TMTC2: variants seen among roughly 807,000 people sequenced by gnomAD.
TMTC2 encodes the protein protein O-mannosyl-transferase TMTC2.
A neutral mutation model predicts 82.4 loss-of-function variants in TMTC2; 43 were observed. The ratio of observed to expected loss-of-function variants is 0.52; its 90% CI spans 0.41 to 0.67. The LOEUF is 0.67. Ranked by LOEUF, TMTC2 falls within the 30% of genes least tolerant of loss-of-function variation. TMTC2 has a pLI of 0.00. For missense variants in TMTC2, 919 were observed against 1,012.4 expected, an observed-to-expected ratio of 0.91 and a Z score of 1.25; for synonymous variants, 408 against 381.9, an observed-to-expected ratio of 1.07 and a Z score of -0.80.
intron 11 of TMTC2, among the ~76,000 whole-genome samples, chr12:83,089,836 AAAAC>A (rs1205407674): frequency 6.7e-6 from 1 of 148,282 alleles, no homozygotes; most frequent in Non-Finnish European, 1.5e-5. Flanking sequence ...AAAAAAACAA[AAAAC>A]AAAAAACAAA....
chr12:82,897,587 A>T (rs919719441), intron 3 of TMTC2, among the ~76,000 whole-genome samples: 1 of 152,060 alleles, frequency 6.6e-6, no homozygotes, highest in African/African-American at 2.4e-5. Flanking sequence ...GTGCAATGGC[A>T]TGATCTCGAC....
At chr12:82,924,539 G>C (rs900029920) in intron 3 of TMTC2, among the ~76,000 whole-genome samples, 2 of 152,138 alleles carry the variant, frequency 1.3e-5, no homozygotes, top group Non-Finnish European at 2.9e-5. Context: ...CAGGCATCTA[G>C]GGCAATTACT....
intron 4 of TMTC2, among the ~76,000 whole-genome samples, chr12:82,955,198 G>T (rs1262622363): frequency 6.6e-6 from 1 of 152,144 alleles, no homozygotes; most frequent in African/African-American, 2.4e-5. Context: ...CCCACTAAAT[G>T]CCAGTTACAT....
chr12:83,079,903 T>C (rs965096678), intron 11 of TMTC2, among the ~76,000 whole-genome samples: 4 of 152,178 alleles, frequency 2.6e-5, no homozygotes, highest in Non-Finnish European at 4.4e-5. Flanking sequence ...CATAATTTTT[T>C]ATATAGTTCT....
chr12:83,072,075 C>G (rs1485002000), intron 11 of TMTC2, among the ~76,000 whole-genome samples: 2 of 152,024 alleles, frequency 1.3e-5, no homozygotes, highest in African/African-American at 4.8e-5. Flanking sequence ...TCTTGTTTCT[C>G]TAATTCCTCG....
chr12:82,735,553 G>T (rs1041785245), intron 1 of TMTC2, among the ~76,000 whole-genome samples: 2 of 151,854 alleles, frequency 1.3e-5, no homozygotes, highest in Non-Finnish European at 2.9e-5. Flanking sequence ...CACTGTGTTA[G>T]CCAGGATGGT....
chr12:83,097,167 G>A (rs147074389), intron 11 of TMTC2, among the ~76,000 whole-genome samples: 65 of 152,240 alleles, frequency 4.3e-4, no homozygotes, highest in Non-Finnish European at 8.8e-4. Context: ...CAGAACTAGG[G>A]TCTCAATTCA....
chr12:82,773,166 T>C (rs904664055), intron 1 of TMTC2, among the ~76,000 whole-genome samples: 2 of 152,320 alleles, frequency 1.3e-5, no homozygotes, highest in Non-Finnish European at 2.9e-5. Flanking sequence ...TTCTTCTCAC[T>C]GTTATTCCTG....
intron 4 of TMTC2, among the ~76,000 whole-genome samples, chr12:82,957,947 G>C (rs1877703993): frequency 1.3e-5 from 2 of 152,104 alleles, no homozygotes; most frequent in Non-Finnish European, 2.9e-5. Flanking sequence ...TCTACCAGAT[G>C]TACAAAGAAC....
intron 1 of TMTC2, among the ~76,000 whole-genome samples, chr12:82,848,944 G>T (rs1870825268): frequency 1.3e-5 from 2 of 152,110 alleles, no homozygotes; most frequent in Admixed American, 1.3e-4. Flanking sequence ...CCAGGTAGAG[G>T]GGGAAAAGAA....
chr12:83,072,414 T>C (rs992244471), intron 11 of TMTC2, among the ~76,000 whole-genome samples: 2 of 152,214 alleles, frequency 1.3e-5, no homozygotes, highest in African/African-American at 4.8e-5. Context: ...GCTCGTTTTG[T>C]GGCCTATCAT....
intron 10 of TMTC2, among the ~76,000 whole-genome samples, chr12:83,059,351 A>C (rs1370198697): frequency 6.6e-6 from 1 of 151,882 alleles, no homozygotes; most frequent in Non-Finnish European, 1.5e-5. Flanking sequence ...ACACTTCCTC[A>C]TGAGTTATTC....
Position 83,113,568 on chromosome 12 carries a change from C to T in TMTC2, c.2332-18642C>T, listed in dbSNP as rs983796128. On this transcript the variant is annotated intron_variant, in intron 11 of 11. Coordinates refer to ENST00000321196, the MANE Select transcript of TMTC2 (RefSeq NM_152588.3). ...GCCATGGGCTTAGAGACACACAAGC[C>T]GTGTTTATTTATTTTTACATTTTCA... is the stretch of plus-strand genomic sequence containing the variant. Among the ~76,000 whole-genome samples, 7 of 152,086 alleles carry T rather than the reference C, an allele frequency of 4.6e-5. No homozygotes were observed. The East Asian group carries it at 5.8e-4, about 13-fold the overall frequency.
chr12:82,982,814 A>G (rs538995058), intron 7 of TMTC2, among the ~76,000 whole-genome samples: 1 of 152,118 alleles, frequency 6.6e-6, no homozygotes, highest in South Asian at 2.1e-4. Context: ...AGTGAAGGCA[A>G]TCAATGAGTT....
At chr12:82,946,082 G>A (rs1404742837) in intron 4 of TMTC2, among the ~76,000 whole-genome samples, 1 of 151,938 alleles carries the variant, frequency 6.6e-6, no homozygotes, top group African/African-American at 2.4e-5. Context: ...ATTTAAATTA[G>A]CAACCCATCT....
At chr12:82,797,935 ATTTTTTTTT>A (rs72046660) in intron 1 of TMTC2, among the ~76,000 whole-genome samples, 1 of 121,810 alleles carries the variant, frequency 8.2e-6, no homozygotes, top group Non-Finnish European at 1.7e-5. Context: ...AACCACCCTA[ATTTTTTTTT>A]TTTTTTTTTT....
intron 1 of TMTC2, among the ~76,000 whole-genome samples, chr12:82,706,811 C>G (rs1393640361): frequency 6.6e-6 from 1 of 152,072 alleles, no homozygotes; most frequent in Non-Finnish European, 1.5e-5. Context: ...AAAAGAAACA[C>G]ATATGTAGAT....
chr12:83,088,820 G>A (rs1241485374), intron 11 of TMTC2, among the ~76,000 whole-genome samples: 1 of 152,100 alleles, frequency 6.6e-6, no homozygotes, highest in African/African-American at 2.4e-5. Flanking sequence ...ACACACCTGT[G>A]CCCAAAAGTC....
At chr12:82,864,780 C>T (rs190337999) in intron 2 of TMTC2, among the ~76,000 whole-genome samples, 2,430 of 151,402 alleles carry the variant, frequency 0.016, 33 homozygotes, top group Non-Finnish European at 0.025. Flanking sequence ...GGATTACAGG[C>T]GTGAGCCACC....
Sources: allele counts gnomAD v4.1 joint callset (sites outside exome capture counted in the v4.1 genomes callset), GRCh38; gene constraint gnomAD v4.1.1; transcripts MANE v1.5; gene names NCBI Gene and HGNC (gene_info 2026-07-23, HGNC 2026-07-21).